The following PPIL3 variants were observed in gnomAD, a reference collection of about 807,000 sequenced individuals.
PPIL3 encodes the protein peptidylprolyl isomerase like 3, also known as peptidyl-prolyl cis-trans isomerase-like 3.
Under a neutral mutation model 20.9 loss-of-function variants are expected in PPIL3, and 13 were observed. That is an observed-to-expected ratio of 0.62 (90% CI 0.40 to 0.99). PPIL3 has a LOEUF of 0.99. Ranked by LOEUF, PPIL3 falls within the 50% of genes least tolerant of loss-of-function variation. The pLI is 0.00. For synonymous variants in PPIL3, 71 were observed against 64.4 expected (o/e 1.10, Z -0.49); for missense variants, 170 against 195.2 (o/e 0.87, Z 0.77).
chr2:200,878,250 C>G (rs1292657678), intron 5 of PPIL3, among the ~76,000 whole-genome samples: 2 of 152,020 alleles, frequency 1.3e-5, no homozygotes, highest in Non-Finnish European at 2.9e-5. Flanking sequence ...TAAAATTTAC[C>G]AATTCATTGA....
intron 6 of PPIL3, among the ~76,000 whole-genome samples, chr2:200,875,434 A>C (rs1318716399): frequency 6.6e-6 from 1 of 151,788 alleles, no homozygotes; most frequent in Admixed American, 6.6e-5. Context: ...CACCCAGCTA[A>C]TTTTTGTATT....
intron 5 of PPIL3, 31 bp from the exon 6 acceptor site, chr2:200,877,068 G>A (rs1448366870): frequency 1.5e-6 from 2 of 1,369,550 alleles, no homozygotes; most frequent in Admixed American, 1.7e-5. Context: ...TATTAACTGT[G>A]TTTTTATATA....
At chr2:200,877,162 T>C in intron 5 of PPIL3, 125 bp from the exon 6 acceptor site, 1 of 660,388 alleles carries the variant, frequency 1.5e-6, no homozygotes, top group Non-Finnish European at 2.7e-6. Flanking sequence ...GGTCTCACTA[T>C]GTTGCTCAGG....
intron 1 of PPIL3, chr2:200,888,714 C>T (rs1438913009): frequency 3.1e-6 from 1 of 324,204 alleles, no homozygotes; most frequent in Admixed American, 4.1e-5. Flanking sequence ...TTAGTAGAGA[C>T]GGGGTTTCGC....
intron 6 of PPIL3, among the ~76,000 whole-genome samples, chr2:200,872,291 T>C (rs752565528): frequency 6.6e-6 from 1 of 151,986 alleles, no homozygotes; most frequent in Non-Finnish European, 1.5e-5. Flanking sequence ...TAGGGCAAAG[T>C]CTGAGAGAGG....
chr2:200,887,556 A>T, intron 2 of PPIL3, 57 bp downstream of exon 2: 1 of 1,389,696 alleles, frequency 7.2e-7, no homozygotes, highest in Non-Finnish European at 1.0e-6. Context: ...CCCTTGACTG[A>T]ATTTCTAAAA....
At position 200,884,318 on chromosome 2, in the gene PPIL3, C is replaced by T. The variant is rs548505294; in HGVS notation, c.78+1380G>A. Among the ~76,000 whole-genome samples, 10 of 152,210 alleles carry T rather than the reference C, an allele frequency of 6.6e-5. No homozygotes were observed. In the East Asian group the frequency reaches 1.7e-3, roughly 27 times the overall value. On this transcript the variant is annotated intron_variant, in intron 3 of 6. Transcript: ENST00000392283. The stretch of plus-strand genomic sequence containing the variant: ...TTGGGAGGCTGAGGCAGGAGAATCC[C>T]TTGGACCTGGGTGGCGGAGGTTGCA...
intron 3 of PPIL3, among the ~76,000 whole-genome samples, chr2:200,884,119 C>T (rs1575113099): frequency 1.3e-5 from 2 of 148,616 alleles, no homozygotes; most frequent in East Asian, 3.9e-4. Context: ...GTCATTTAAA[C>T]AGGTGACACA....
chr2:200,871,555 C>T (rs2039306269), intron 6 of PPIL3, 34 bp from the exon 7 acceptor site: 4 of 1,580,980 alleles, frequency 2.5e-6, no homozygotes, highest in Non-Finnish European at 3.4e-6. Flanking sequence ...ATGAAAATTT[C>T]CTTAAATTGA....
rs565789478 is a variant in PPIL3 at position 200,888,455 on chromosome 2, T to C, written c.-71+501A>G. 35 of 156,040 alleles carry C rather than the reference T, an allele frequency of 2.2e-4. 1 individual carries two copies. The South Asian group carries it at 5.7e-3, about 25-fold the overall frequency. The allele number at this position is 156,040 out of a possible 1,614,324, so 9.7% of individuals were successfully genotyped here. On this transcript the variant is annotated intron_variant, in intron 1 of 6. Coordinates refer to ENST00000392283, the MANE Select transcript of PPIL3 (RefSeq NM_130906.3). ...TTTTTTTTTTTCACCACAGCACTTA[T>C]ACTAATATACTATGAACTTTTTTTT... is the stretch of plus-strand genomic sequence containing the variant.
chr2:200,876,068 T>C (rs1477835441), intron 6 of PPIL3, among the ~76,000 whole-genome samples: 1 of 151,872 alleles, frequency 6.6e-6, no homozygotes, highest in Admixed American at 6.6e-5. Flanking sequence ...TGCTGTGAAA[T>C]GCTATCATTA....
Position 200,877,042 on chromosome 2 carries a change from A to T in PPIL3, c.241-5T>A. ...TACAACACCTCTAACATTGTGCTGAAAAAGACACATCAAAGTATTAACTGT... is the reference window on the plus strand; with the variant it reads ...TACAACACCTCTAACATTGTGCTGATAAAGACACATCAAAGTATTAACTGT... On this transcript the variant is annotated splice_polypyrimidine_tract_variant and splice_region_variant and intron_variant, in intron 5 of 6. Transcript: ENST00000392283. The T allele has an allele frequency of 6.5e-7, 1 of 1,542,948 alleles. No homozygotes were observed. Among genetic ancestry groups the T allele is most frequent in the Non-Finnish European group, 9.0e-7 (1 of 1,115,384 alleles).
chr2:200,881,240 T>A (rs1041027822), intron 5 of PPIL3, among the ~76,000 whole-genome samples, 181 bp downstream of exon 5: 4 of 152,192 alleles, frequency 2.6e-5, no homozygotes, highest in African/African-American at 9.6e-5. Flanking sequence ...CCAGTACACA[T>A]GTCAGGCTAG....
At chr2:200,886,134 CCTTA>C (rs1203841911) in intron 2 of PPIL3, among the ~76,000 whole-genome samples, 5 of 152,200 alleles carry the variant, frequency 3.3e-5, no homozygotes, top group Admixed American at 3.3e-4. Context: ...TCACCAACAT[CCTTA>C]TTTATAGAAA....
At chr2:200,884,133 C>T (rs1476324110) in intron 3 of PPIL3, among the ~76,000 whole-genome samples, 4 of 90,926 alleles carry the variant, frequency 4.4e-5, no homozygotes, top group East Asian at 2.6e-4. Flanking sequence ...TGACACAGGC[C>T]GGGTGCAGTG....
chr2:200,873,767 T>C (rs2039402379), intron 6 of PPIL3, among the ~76,000 whole-genome samples: 1 of 151,532 alleles, frequency 6.6e-6, no homozygotes, highest in African/African-American at 2.4e-5. Flanking sequence ...CACCTGGTCA[T>C]CTGACTGCAT....
chr2:200,884,136 G>A (rs1209405271), intron 3 of PPIL3, among the ~76,000 whole-genome samples: 1 of 83,792 alleles, frequency 1.2e-5, no homozygotes, highest in Non-Finnish European at 2.3e-5. Context: ...CACAGGCCGG[G>A]TGCAGTGGCT....
Position 200,871,340 on chromosome 2 carries a change from C to A in PPIL3, c.*55G>T. ...TCTGACATAATTAAAACCGGGTAAA[C>A]CACAATAAGTGTGTTCCAGCAATTT... On this transcript the variant is annotated 3_prime_UTR_variant, in exon 7 of 7. Coordinates refer to ENST00000392283, the MANE Select transcript of PPIL3 (RefSeq NM_130906.3). 3 of 1,525,872 alleles carry A rather than the reference C, an allele frequency of 2.0e-6. No individual in the cohort carries two copies. The highest frequency in any genetic ancestry group is 1.2e-5 in the South Asian group (1 of 81,848). The allele number at this position is 1,525,872 out of a possible 1,614,324, so 94.5% of individuals were successfully genotyped here. A position where few individuals can be genotyped will look rare whatever the true frequency, so the allele number is the denominator to read the frequency against.
intron 4 of PPIL3, 180 bp from the exon 5 acceptor site, chr2:200,881,668 A>AG: frequency 3.7e-6 from 2 of 539,800 alleles, no homozygotes; most frequent in Non-Finnish European, 6.5e-6. Context: ...CAGACCTACA[A>AG]AAAACAAAAA....
Sources: allele counts gnomAD v4.1 joint callset (sites outside exome capture counted in the v4.1 genomes callset), GRCh38; gene constraint gnomAD v4.1.1; transcripts MANE v1.5; gene names NCBI Gene and HGNC (gene_info 2026-07-23, HGNC 2026-07-21).